Variants in EXT2 observed in about 807,000 individuals in gnomAD.
EXT2 encodes exostosin glycosyltransferase 2.
In EXT2, 53 loss-of-function variants were observed where a neutral mutation model predicts 81.6. The ratio of observed to expected loss-of-function variants is 0.65; its 90% CI spans 0.52 to 0.82. The LOEUF is 0.82. Ranked by LOEUF, EXT2 falls within the 40% of genes least tolerant of loss-of-function variation. The pLI is 0.00. For synonymous variants in EXT2, 320 were observed against 340.0 expected (o/e 0.94, Z 0.65); for missense variants, 774 against 910.2 (o/e 0.85, Z 1.93).
chr11:44,160,646 C>T (rs917074005), intron 7 of EXT2, among the ~76,000 whole-genome samples: 5 of 152,072 alleles, frequency 3.3e-5, no homozygotes, highest in Admixed American at 6.6e-5. Flanking sequence ...TTAAGTGCAA[C>T]GGATTTTGAA....
chr11:44,188,924 C>T (rs139649463), intron 8 of EXT2, among the ~76,000 whole-genome samples: 23 of 152,112 alleles, frequency 1.5e-4, no homozygotes, highest in African/African-American at 4.3e-4. Flanking sequence ...TGACACAGGC[C>T]GCAGATCCAG....
intron 13 of EXT2, among the ~76,000 whole-genome samples, chr11:44,243,287 G>A (rs898159393): frequency 2.6e-5 from 4 of 152,072 alleles, no homozygotes; most frequent in Non-Finnish European, 5.9e-5. Flanking sequence ...ACACTCAGTT[G>A]GCCTGATTGA....
At position 44,172,564 on chromosome 11, in the gene EXT2, T is replaced by A. The variant is rs142719908; in HGVS notation, c.1305+822T>A. On this transcript the variant is annotated intron_variant, in intron 8 of 13. Coordinates refer to ENST00000533608, the MANE Select transcript of EXT2 (RefSeq NM_207122.2). ...CTTTCTGACCTCTCAGCCCTCCTTGTCTCCTGATTCTACCTTTTCTTTTTT... is the reference window on the plus strand; with the variant it reads ...CTTTCTGACCTCTCAGCCCTCCTTGACTCCTGATTCTACCTTTTCTTTTTT... 3.1e-3 allele frequency among the ~76,000 whole-genome samples: 461 copies of A among 150,342 alleles called. 3 individuals carry two copies. The highest frequency in any genetic ancestry group is 0.01 in the African/African-American group (422 of 41,130).
At chr11:44,231,115 G>T (rs1208259399) in intron 10 of EXT2, among the ~76,000 whole-genome samples, 1 of 152,188 alleles carries the variant, frequency 6.6e-6, no homozygotes, top group African/African-American at 2.4e-5. Flanking sequence ...TGCAAATGAT[G>T]CTTTGGAAGG....
In EXT2 at chr11:44,197,867, G is replaced by A. The variant is rs752888790; in HGVS notation, c.1344G>A (p.Leu448=). ...TGAGCAATCCACTCTTCCTCCCGCT[G>A]ATCCCACCACAGTCTCAAGGGTTCA... is the stretch of plus-strand genomic sequence containing the variant. ...GSVSNPLFLP[L]IPPQSQGFTA... is the part of the protein sequence containing the mutation. Residue 448 remains leucine (L), a synonymous_variant, in exon 9 of 14, where the codon CTG becomes CTA. Transcript: ENST00000533608. 22 of 1,613,938 alleles carry A rather than the reference G, an allele frequency of 1.4e-5. No individual in the cohort carries two copies. In the African/African-American group the frequency reaches 2.7e-4, roughly 20 times the overall value.
rs1956111155 is a variant in EXT2, at chr11:44,248,140, G to A, written c.*3853G>A. On this transcript the variant is annotated 3_prime_UTR_variant, in exon 14 of 14. Coordinates refer to ENST00000533608, the MANE Select transcript of EXT2 (RefSeq NM_207122.2). ...CCTTTGCTTTGTAGCTCCTTTGGGG[G>A]TATGCTGCTTTTTCCATTTCTCTTG... Among the ~76,000 whole-genome samples, 1 of 152,120 alleles carries A rather than the reference G, an allele frequency of 6.6e-6. No individual in the cohort carries two copies. The highest frequency in any genetic ancestry group is 2.4e-5 in the African/African-American group (1 of 41,416).
intron 7 of EXT2, among the ~76,000 whole-genome samples, chr11:44,142,873 C>T (rs577118490): frequency 7.2e-5 from 11 of 152,240 alleles, no homozygotes; most frequent in East Asian, 1.9e-4. Context: ...TGATTCCTCC[C>T]GAATCTCTTT....
At chr11:44,202,932 A>C (rs1318372935) in intron 9 of EXT2, among the ~76,000 whole-genome samples, 1 of 152,190 alleles carries the variant, frequency 6.6e-6, no homozygotes, top group Non-Finnish European at 1.5e-5. Context: ...AAGGCCATAG[A>C]GGCATCTTGT....
At chr11:44,106,160 T>C (rs1482518757) in intron 1 of EXT2, among the ~76,000 whole-genome samples, 1 of 152,204 alleles carries the variant, frequency 6.6e-6, no homozygotes, top group Non-Finnish European at 1.5e-5. Flanking sequence ...ATCATAAAGC[T>C]AGCCTAGATT....
At position 44,195,584 on chromosome 11, in the gene EXT2, A is replaced by G. The variant is rs190233391; in HGVS notation, c.1306-2245A>G. ...TTCAGCTTCTTTGAGTTTCCATCCCATATGTATTCCATGGGTTTGTGTGCA... is the reference window on the plus strand; with the variant it reads ...TTCAGCTTCTTTGAGTTTCCATCCCGTATGTATTCCATGGGTTTGTGTGCA... On this transcript the variant is annotated intron_variant, in intron 8 of 13. Coordinates refer to ENST00000533608, the MANE Select transcript of EXT2 (RefSeq NM_207122.2). Among the ~76,000 whole-genome samples the G allele has an allele frequency of 1.8e-4, 28 of 152,270 alleles. No individual in the cohort carries two copies. The South Asian group carries it at 4.4e-3, about 24-fold the overall frequency.
rs1432508077 is a variant in EXT2, at chr11:44,185,717, C to A, written c.1306-12112C>A. 7.2e-5 allele frequency among the ~76,000 whole-genome samples: 11 copies of A among 152,296 alleles called. No individual in the cohort carries two copies. The South Asian group carries it at 1.9e-3, about 26-fold the overall frequency. On this transcript the variant is annotated intron_variant, in intron 8 of 13. Coordinates refer to ENST00000533608, the MANE Select transcript of EXT2 (RefSeq NM_207122.2). ...GAAACTGTGGTTTTCTTGGTTATAA[C>A]TGTGTTGGTGTTTTGAGCTTGGATG...
At chr11:44,239,412 G>A (rs1396326399) in intron 13 of EXT2, among the ~76,000 whole-genome samples, 2 of 34,948 alleles carry the variant, frequency 5.7e-5, no homozygotes, top group Non-Finnish European at 1.3e-4. Flanking sequence ...TTTTTTTTTT[G>A]AGACATAGTC....
At chr11:44,193,868 T>C (rs7120985) in intron 8 of EXT2, among the ~76,000 whole-genome samples, 150,786 of 152,262 alleles carry the variant, frequency 0.99, 74,678 homozygotes, top group East Asian at 1. Flanking sequence ...AAAACAACAT[T>C]AAGAAAAGTT....
At chr11:44,098,022 T>C (rs1295171382) in intron 1 of EXT2, among the ~76,000 whole-genome samples, 3 of 152,246 alleles carry the variant, frequency 2.0e-5, no homozygotes, top group Non-Finnish European at 2.9e-5. Context: ...TCCAGTGTTT[T>C]GCAGGGGCAG....
intron 13 of EXT2, 29 bp downstream of exon 13, chr11:44,236,404 C>T (rs1255863819): frequency 1.2e-6 from 2 of 1,604,344 alleles, no homozygotes; most frequent in Non-Finnish European, 1.7e-6. Flanking sequence ...AAAAGTGCGC[C>T]TTAGCCTCTG....
chr11:44,108,360 C>T, intron 2 of EXT2, 112 bp downstream of exon 2: 1 of 1,179,972 alleles, frequency 8.5e-7, no homozygotes, highest in Non-Finnish European at 1.2e-6. Flanking sequence ...TTTCCCGATG[C>T]TGTCTTCTTG....
chr11:44,110,275 A>G (rs1367072247), intron 3 of EXT2, among the ~76,000 whole-genome samples: 1 of 152,218 alleles, frequency 6.6e-6, no homozygotes, highest in Non-Finnish European at 1.5e-5. Flanking sequence ...CCTTCTTTGC[A>G]TTAAGTGATT....
intron 8 of EXT2, among the ~76,000 whole-genome samples, chr11:44,178,036 G>A (rs1955182983): frequency 6.6e-6 from 1 of 152,214 alleles, no homozygotes. Flanking sequence ...TCTAGCTCTA[G>A]TTTTTGAAGA....
chr11:44,216,645 A>G (rs1358471815), intron 10 of EXT2, among the ~76,000 whole-genome samples: 1 of 152,168 alleles, frequency 6.6e-6, no homozygotes, highest in African/African-American at 2.4e-5. Context: ...ATCCGAAGGC[A>G]GTGCTTATGT....
Sources: gnomAD v4.1 joint callset for allele counts (sites outside exome capture counted in the v4.1 genomes callset) on GRCh38, gnomAD v4.1.1 for gene constraint, MANE v1.5 for transcripts, NCBI Gene and HGNC (gene_info 2026-07-23, HGNC 2026-07-21) for gene names.